PDGFC: variants seen among roughly 807,000 people sequenced by gnomAD.
PDGFC encodes platelet-derived growth factor C.
Under a neutral mutation model 35.5 loss-of-function variants are expected in PDGFC, and 12 were observed. That is an observed-to-expected ratio of 0.34 (90% CI 0.22 to 0.55). The LOEUF is 0.55. Among genes scored for constraint, PDGFC ranks in the 20% least tolerant of loss-of-function variants. The probability of loss-of-function intolerance (pLI) is 0.91; values close to 1 mark genes in which losing one functional copy is unlikely to be tolerated. For synonymous variants in PDGFC, 159 were observed against 148.8 expected, an observed-to-expected ratio of 1.07 and a Z score of -0.50; for missense variants, 322 against 412.4, an observed-to-expected ratio of 0.78 and a Z score of 1.90.
chr4:156,901,931 T>C (rs1730798510), intron 1 of PDGFC, among the ~76,000 whole-genome samples: 1 of 152,120 alleles, frequency 6.6e-6, no homozygotes, highest in South Asian at 2.1e-4. Flanking sequence ...GATTAAGGTA[T>C]AACATGTCTA....
intron 1 of PDGFC, among the ~76,000 whole-genome samples, chr4:156,915,827 C>T (rs1350850626): frequency 6.6e-6 from 1 of 152,034 alleles, no homozygotes; most frequent in Non-Finnish European, 1.5e-5. Context: ...AGAAAAGCTA[C>T]CAACTCTCTC....
At chr4:156,961,789 C>T (rs772454867) in intron 1 of PDGFC, among the ~76,000 whole-genome samples, 2 of 152,062 alleles carry the variant, frequency 1.3e-5, no homozygotes, top group African/African-American at 2.4e-5. Flanking sequence ...ATCCCAATTG[C>T]GGATCCTTCA....
At chr4:156,807,830 T>C (rs1272405175) in intron 3 of PDGFC, among the ~76,000 whole-genome samples, 2 of 152,104 alleles carry the variant, frequency 1.3e-5, no homozygotes, top group Non-Finnish European at 2.9e-5. Flanking sequence ...TTAAACTCAC[T>C]TAAAATTTTT....
intron 1 of PDGFC, among the ~76,000 whole-genome samples, chr4:156,931,937 T>C (rs1334985699): frequency 1.3e-5 from 2 of 152,142 alleles, no homozygotes; most frequent in Non-Finnish European, 1.5e-5. Context: ...ATAAGAAATA[T>C]ATTACAGCAA....
intron 1 of PDGFC, among the ~76,000 whole-genome samples, chr4:156,871,175 G>T (rs556740985): frequency 6.6e-6 from 1 of 152,076 alleles, no homozygotes; most frequent in Non-Finnish European, 1.5e-5. Context: ...CAAGACAGGG[G>T]TTTTAATCAG....
At chr4:156,892,139 T>TAATCAATTAA (rs1185361691) in intron 1 of PDGFC, among the ~76,000 whole-genome samples, 1 of 152,178 alleles carries the variant, frequency 6.6e-6, no homozygotes, top group Non-Finnish European at 1.5e-5. Flanking sequence ...TTAAAATACC[T>TAATCAATTAA]AATTTTTATA....
intron 3 of PDGFC, among the ~76,000 whole-genome samples, chr4:156,790,294 A>G (rs1731259626): frequency 6.6e-6 from 1 of 152,236 alleles, no homozygotes; most frequent in Non-Finnish European, 1.5e-5. Context: ...TATTGCAAGT[A>G]GCTTCAAAGG....
At chr4:156,913,330 G>T (rs1006762178) in intron 1 of PDGFC, among the ~76,000 whole-genome samples, 1 of 151,740 alleles carries the variant, frequency 6.6e-6, no homozygotes, top group African/African-American at 2.4e-5. Flanking sequence ...CTGCCTACAT[G>T]ACCTACAGGC....
chr4:156,910,678 T>C (rs1731017884), intron 1 of PDGFC, among the ~76,000 whole-genome samples: 1 of 152,188 alleles, frequency 6.6e-6, no homozygotes. Flanking sequence ...GAGATCCATT[T>C]TCTCCACATC....
intron 1 of PDGFC, among the ~76,000 whole-genome samples, chr4:156,888,823 A>G (rs970541757): frequency 2.0e-5 from 3 of 152,184 alleles, no homozygotes; most frequent in African/African-American, 7.2e-5. Context: ...CATTCATAAT[A>G]TGGTGGAGCA....
intron 1 of PDGFC, among the ~76,000 whole-genome samples, chr4:156,932,304 G>C (rs1197335219): frequency 2.6e-5 from 4 of 152,132 alleles, no homozygotes; most frequent in Non-Finnish European, 5.9e-5. Context: ...TGTTCAAAGA[G>C]TGAAGTAAGG....
chr4:156,763,848 A>G lies in PDGFC; in HGVS notation c.922-642T>C, dbSNP rs144388869. On this transcript the variant is annotated intron_variant, in intron 5 of 5. Transcript: ENST00000502773. Reference sequence around the variant, plus strand: ...GAGAAGAGGTTTGGCAATAATAACAATGATGCCTCTATTAAATAAAGTTAT... The same window carrying G: ...GAGAAGAGGTTTGGCAATAATAACAGTGATGCCTCTATTAAATAAAGTTAT... 4.9e-3 allele frequency among the ~76,000 whole-genome samples: 752 copies of G among 152,314 alleles called. 5 individuals carry two copies. The highest frequency in any genetic ancestry group is 0.017 in the African/African-American group (692 of 41,564).
At chr4:156,967,033 T>C (rs1033519954) in intron 1 of PDGFC, among the ~76,000 whole-genome samples, 7 of 151,660 alleles carry the variant, frequency 4.6e-5, no homozygotes, top group Non-Finnish European at 7.4e-5. Context: ...TTTCTTTTTT[T>C]TTTTTTTTGT....
chr4:156,918,576 T>C (rs1731202710), intron 1 of PDGFC, among the ~76,000 whole-genome samples: 1 of 152,144 alleles, frequency 6.6e-6, no homozygotes, highest in South Asian at 2.1e-4. Flanking sequence ...GTCAGATCAG[T>C]GGCAGCATTA....
chr4:156,803,079 G>A (rs1472371997), intron 3 of PDGFC, among the ~76,000 whole-genome samples: 1 of 152,142 alleles, frequency 6.6e-6, no homozygotes, highest in Non-Finnish European at 1.5e-5. Context: ...GAGACTGCAA[G>A]GATGACGGTT....
At position 156,850,428 on chromosome 4, in the gene PDGFC, AAC is replaced by A; in HGVS notation, c.119-14_119-13del. ...AGGATCTTGTACTCCTAAAGCAAAA[AAC>A]ATAGACATAGACATACATTTAGATT... On this transcript the variant is annotated splice_polypyrimidine_tract_variant and intron_variant, in intron 1 of 5. Transcript: ENST00000502773. 2 of 1,503,752 alleles carry A rather than the reference AAC, an allele frequency of 1.3e-6. No individual in the cohort carries two copies. The highest frequency in any genetic ancestry group is 4.6e-5 in the East Asian group (2 of 43,892). 93.2% of individuals were successfully genotyped at this position (1,503,752 alleles called of 1,614,324 possible). A position where few individuals can be genotyped will look rare whatever the true frequency, so the allele number is the denominator to read the frequency against.
chr4:156,864,817 A>G (rs974977204), intron 1 of PDGFC, among the ~76,000 whole-genome samples: 6 of 152,128 alleles, frequency 3.9e-5, no homozygotes, highest in African/African-American at 1.4e-4. Flanking sequence ...GTTCCTTTAT[A>G]ATTGCTCCAA....
chr4:156,966,926 C>A (rs911858717), intron 1 of PDGFC, among the ~76,000 whole-genome samples: 11 of 152,076 alleles, frequency 7.2e-5, no homozygotes, highest in Admixed American at 2.6e-4. Flanking sequence ...TTTTTAATCA[C>A]CTACTGTGAA....
chr4:156,857,081 T>G (rs912580092), intron 1 of PDGFC, among the ~76,000 whole-genome samples: 2 of 150,120 alleles, frequency 1.3e-5, no homozygotes, highest in Non-Finnish European at 3.0e-5. Flanking sequence ...TCTGAGGGTT[T>G]TTTTTTTTTG....
Sources: allele counts gnomAD v4.1 joint callset (sites outside exome capture counted in the v4.1 genomes callset), GRCh38; gene constraint gnomAD v4.1.1; transcripts MANE v1.5; gene names NCBI Gene and HGNC (gene_info 2026-07-23, HGNC 2026-07-21).